THSD4: variants seen among roughly 807,000 people sequenced by gnomAD.
THSD4 encodes thrombospondin type 1 domain containing 4.
Under a neutral mutation model 119.0 loss-of-function variants are expected in THSD4, and 69 were observed. The observed-to-expected ratio is 0.58, with a 90% CI of 0.48 to 0.71. The LOEUF (loss-of-function observed/expected upper bound fraction) is 0.71. Among genes scored for constraint, THSD4 ranks in the 30% least tolerant of loss-of-function variants. The pLI is 0.00. For missense variants in THSD4, 1,393 were observed against 1,391.1 expected, an observed-to-expected ratio of 1.00 and a Z score of -0.02; for synonymous variants, 524 against 540.4, an observed-to-expected ratio of 0.97 and a Z score of 0.42.
intron 7 of THSD4, among the ~76,000 whole-genome samples, chr15:71,460,869 T>A (rs1214774295): frequency 6.6e-6 from 1 of 152,204 alleles, no homozygotes; most frequent in Non-Finnish European, 1.5e-5. Flanking sequence ...TACATATTGG[T>A]TCTTCTTGTT....
intron 6 of THSD4, among the ~76,000 whole-genome samples, chr15:71,278,644 G>C (rs943556863): frequency 1.1e-4 from 17 of 152,132 alleles, no homozygotes; most frequent in Non-Finnish European, 1.8e-4. Context: ...GCAAGGAGGA[G>C]GACCTTGACT....
At chr15:71,465,676 G>A (rs1346151962) in intron 7 of THSD4, among the ~76,000 whole-genome samples, 1 of 152,154 alleles carries the variant, frequency 6.6e-6, no homozygotes, top group African/African-American at 2.4e-5. Flanking sequence ...TGCATTGTCG[G>A]TATTCATCTC....
chr15:71,619,203 C>T (rs1484979222), intron 7 of THSD4, among the ~76,000 whole-genome samples: 1 of 152,022 alleles, frequency 6.6e-6, no homozygotes, highest in African/African-American at 2.4e-5. Flanking sequence ...AACTCCTGAC[C>T]TCAGATGATC....
rs562587442 is a variant in THSD4, at chr15:71,421,119, A to G, written c.1152+9296A>G. On this transcript the variant is annotated intron_variant, in intron 7 of 17. Coordinates refer to ENST00000261862, the MANE Select transcript of THSD4 (RefSeq NM_024817.3). ...AGTTGTAGTGAGCCAAGATGGTACC[A>G]CTGCACTCCAGCCTGGGTGATGGAG... Among the ~76,000 whole-genome samples the G allele has an allele frequency of 2.4e-3, 183 of 75,722 alleles. 42 individuals carry two copies. The highest frequency in any genetic ancestry group is 8.1e-3 in the African/African-American group (178 of 21,936). The allele number at this position is 75,722 out of a possible 152,430, so 49.7% of individuals were successfully genotyped here. A position where few individuals can be genotyped will look rare whatever the true frequency, so the allele number is the denominator to read the frequency against.
chr15:71,479,420 C>CA (rs1185969547), intron 7 of THSD4, among the ~76,000 whole-genome samples: 3 of 152,092 alleles, frequency 2.0e-5, no homozygotes, highest in Admixed American at 6.5e-5. Flanking sequence ...CTAGAGTCTG[C>CA]AGTTTCCTAA....
At chr15:71,111,387 G>C (rs773917020), upstream of THSD4, 5 of 1,612,726 alleles carry the variant, frequency 3.1e-6, no homozygotes, top group South Asian at 5.5e-5. Context: ...CCCAGGCAAG[G>C]GCACAGGAAC....
chr15:71,323,531 A>AG (rs2045301855), intron 6 of THSD4, among the ~76,000 whole-genome samples: 2 of 152,202 alleles, frequency 1.3e-5, no homozygotes, highest in Non-Finnish European at 2.9e-5. Flanking sequence ...GAAGAGCTGC[A>AG]GGGGGGTTTG....
chr15:71,669,241 TTATACTC>T (rs1488030971), intron 8 of THSD4, among the ~76,000 whole-genome samples: 3 of 152,240 alleles, frequency 2.0e-5, no homozygotes, highest in Admixed American at 6.5e-5. Context: ...TTATTGTTCT[TTATACTC>T]TATGACTTTG....
intron 15 of THSD4, among the ~76,000 whole-genome samples, chr15:71,763,715 G>A (rs1360406020): frequency 1.3e-5 from 2 of 151,792 alleles, no homozygotes; most frequent in African/African-American, 4.8e-5. Flanking sequence ...AAAGTGCTAG[G>A]ATTATAGGAG....
At chr15:71,728,525 G>C in intron 8 of THSD4, 24 bp from the exon 9 acceptor site, 1 of 1,611,708 alleles carries the variant, frequency 6.2e-7, no homozygotes, top group South Asian at 1.1e-5. Context: ...CTTACCCAAA[G>C]AACTGTCTGA....
intron 8 of THSD4, among the ~76,000 whole-genome samples, chr15:71,714,949 C>G (rs909677439): frequency 2.6e-5 from 4 of 152,156 alleles, no homozygotes; most frequent in Non-Finnish European, 5.9e-5. Context: ...ACAGAAATGT[C>G]TCCTACCTGT....
At chr15:71,304,946 A>AT (rs2045003994) in intron 6 of THSD4, among the ~76,000 whole-genome samples, 1 of 152,292 alleles carries the variant, frequency 6.6e-6, no homozygotes, top group South Asian at 2.1e-4. Flanking sequence ...AATAAAGACT[A>AT]TTTTTTGTTC....
intron 6 of THSD4, among the ~76,000 whole-genome samples, chr15:71,377,478 AG>A (rs1422607748): frequency 6.6e-6 from 1 of 152,086 alleles, no homozygotes; most frequent in African/African-American, 2.4e-5. Flanking sequence ...TGGAGAAAAA[AG>A]TAGAATCAGG....
chr15:71,698,703 TACAC>T (rs369999022), intron 8 of THSD4, among the ~76,000 whole-genome samples: 1 of 148,626 alleles, frequency 6.7e-6, no homozygotes, highest in South Asian at 2.1e-4. Flanking sequence ...CATTCGTCTA[TACAC>T]ACACACACAC....
chr15:71,603,488 A>C (rs1038456084), intron 7 of THSD4, among the ~76,000 whole-genome samples: 3 of 152,166 alleles, frequency 2.0e-5, no homozygotes, highest in Admixed American at 6.5e-5. Flanking sequence ...ATCAGAACCA[A>C]GTGGGTCATG....
At chr15:71,387,394 C>G (rs144466839) in intron 6 of THSD4, among the ~76,000 whole-genome samples, 1 of 152,112 alleles carries the variant, frequency 6.6e-6, no homozygotes, top group Non-Finnish European at 1.5e-5. Context: ...AGACAGACAA[C>G]GTGCCTTGAG....
chr15:71,744,273 T>C (rs1293425507), intron 11 of THSD4, among the ~76,000 whole-genome samples: 3 of 151,414 alleles, frequency 2.0e-5, no homozygotes, highest in Admixed American at 1.3e-4. Flanking sequence ...CCTAAAACAG[T>C]TATAAACATT....
At chr15:71,365,776 G>A (rs1482236597) in intron 6 of THSD4, among the ~76,000 whole-genome samples, 1 of 152,088 alleles carries the variant, frequency 6.6e-6, no homozygotes, top group African/African-American at 2.4e-5. Context: ...AATTTAGTAG[G>A]AGAAGTTATT....
intron 7 of THSD4, among the ~76,000 whole-genome samples, chr15:71,553,827 T>C (rs2048971776): frequency 6.6e-6 from 1 of 152,362 alleles, no homozygotes; most frequent in South Asian, 2.1e-4. Context: ...GAATATATTA[T>C]GGATTTCTTA....
Sources: allele counts gnomAD v4.1 joint callset (sites outside exome capture counted in the v4.1 genomes callset), GRCh38; gene constraint gnomAD v4.1.1; transcripts MANE v1.5; gene names NCBI Gene and HGNC (gene_info 2026-07-23, HGNC 2026-07-21).